Variants in EYS observed in about 807,000 individuals in gnomAD.
EYS encodes protein eyes shut homolog.
A neutral mutation model predicts 282.1 loss-of-function variants in EYS; 250 were observed. The ratio of observed to expected loss-of-function variants is 0.89; its 90% confidence interval spans 0.80 to 0.98. The LOEUF (loss-of-function observed/expected upper bound fraction) is 0.98, where lower values mean the gene tolerates loss of function less well. Ranked by LOEUF, EYS falls within the 50% of genes least tolerant of loss-of-function variation. EYS has a pLI of 0.00. For missense variants in EYS, 4,016 were observed against 3,709.0 expected, an observed-to-expected ratio of 1.08 and a Z score of -2.15; for synonymous variants, 1,355 against 1,282.9, an observed-to-expected ratio of 1.06 and a Z score of -1.20.
chr6:65,240,949 T>C (rs1277038622), intron 12 of EYS, among the ~76,000 whole-genome samples: 1 of 152,144 alleles, frequency 6.6e-6, no homozygotes, highest in African/African-American at 2.4e-5. Flanking sequence ...TTATAACAGA[T>C]TTTTCCTCTG....
Position 65,402,550 on chromosome 6 carries a change from T to A in EYS, c.1112A>T (p.Gln371Leu), listed in dbSNP as rs201021814. The change falls in exon 7 of 43, where the codon CAA becomes CTA. Residue 371 changes from glutamine (Q) to leucine (L), a missense_variant. By Grantham distance (113) the Gln-to-Leu change is moderately radical. Transcript: ENST00000503581. The part of the protein sequence containing the change: ...IFTDLLCKSI[Q>L]TSCESFPLRN... ...CAAAGGAAATGACTCACATGATGTT[T>A]GAATGCTCTTACAAAGCAAATCTGT... 6 of 1,572,540 alleles carry A rather than the reference T, an allele frequency of 3.8e-6. No individual in the cohort carries two copies. Among genetic ancestry groups the A allele is most frequent in the Non-Finnish European group, 2.6e-6 (3 of 1,143,114 alleles).
intron 2 of EYS, among the ~76,000 whole-genome samples, chr6:65,507,820 T>C (rs1248320154): frequency 1.3e-5 from 2 of 152,014 alleles, no homozygotes; most frequent in Non-Finnish European, 2.9e-5. Flanking sequence ...CCCTGTTTAC[T>C]CATTTGTTCT....
chr6:65,036,394 G>T (rs1349022015), intron 13 of EYS, among the ~76,000 whole-genome samples: 1 of 151,610 alleles, frequency 6.6e-6, no homozygotes, highest in African/African-American at 2.4e-5. Context: ...AAAAAACTAG[G>T]AAATACCATT....
At chr6:65,638,651 G>A (rs889943335) in intron 2 of EYS, among the ~76,000 whole-genome samples, 2 of 152,202 alleles carry the variant, frequency 1.3e-5, no homozygotes, top group Non-Finnish European at 2.9e-5. Flanking sequence ...CACCTGTGCC[G>A]GTGCCTGGAG....
intron 29 of EYS, among the ~76,000 whole-genome samples, chr6:64,349,368 T>C (rs1771531549): frequency 6.6e-6 from 1 of 151,386 alleles, no homozygotes; most frequent in South Asian, 2.1e-4. Flanking sequence ...GCTAATTGTA[T>C]CAACTCCTAT....
chr6:63,868,757 G>A lies in EYS; in HGVS notation c.7056-4399C>T, dbSNP rs145936724. Among the ~76,000 whole-genome samples, 370 of 152,280 alleles carry A rather than the reference G, an allele frequency of 2.4e-3. 2 individuals carry two copies. The highest frequency in any genetic ancestry group is 8.5e-3 in the African/African-American group (353 of 41,574). On this transcript the variant is annotated intron_variant, in intron 35 of 42. Transcript: ENST00000503581. Reference sequence around the variant, plus strand: ...CATGAATTTCACAACACCATGATAAGAGCCTGCTAATTACAAAGAATACTT... The same window carrying A: ...CATGAATTTCACAACACCATGATAAAAGCCTGCTAATTACAAAGAATACTT...
At chr6:65,359,780 A>G (rs541422037) in intron 8 of EYS, among the ~76,000 whole-genome samples, 22 of 151,930 alleles carry the variant, frequency 1.4e-4, no homozygotes, top group Admixed American at 9.2e-4. Flanking sequence ...CCATTTTACC[A>G]CATATGTGAA....
At chr6:64,010,162 C>T (rs1216030425) in intron 33 of EYS, among the ~76,000 whole-genome samples, 5 of 152,302 alleles carry the variant, frequency 3.3e-5, no homozygotes, top group Non-Finnish European at 5.9e-5. Context: ...CTGGCCAGAA[C>T]GCTCCGGTGA....
At chr6:64,300,403 G>C (rs1769193567) in intron 30 of EYS, among the ~76,000 whole-genome samples, 1 of 151,860 alleles carries the variant, frequency 6.6e-6, no homozygotes, top group East Asian at 2.0e-4. Flanking sequence ...CGACATCCCA[G>C]AGTATAATTC....
chr6:64,858,277 T>C (rs1766128923), intron 19 of EYS, among the ~76,000 whole-genome samples: 1 of 152,160 alleles, frequency 6.6e-6, no homozygotes, highest in African/African-American at 2.4e-5. Flanking sequence ...TTTTTGTATA[T>C]GGTATGAGAC....
chr6:65,089,961 T>TTA (rs1397054229), intron 12 of EYS, among the ~76,000 whole-genome samples: 17 of 113,420 alleles, frequency 1.5e-4, no homozygotes, highest in South Asian at 5.4e-4. Context: ...AAAAAAAAAA[T>TTA]TATATATATA....
chr6:63,925,099 C>T (rs146207716), intron 35 of EYS, among the ~76,000 whole-genome samples: 136 of 152,294 alleles, frequency 8.9e-4, no homozygotes, highest in African/African-American at 3.2e-3. Flanking sequence ...TCTTCTGAGC[C>T]TCATTTCTGT....
intron 2 of EYS, among the ~76,000 whole-genome samples, chr6:65,531,523 A>G (rs912335595): frequency 2.6e-5 from 4 of 152,176 alleles, no homozygotes; most frequent in Non-Finnish European, 5.9e-5. Context: ...CCCAATCCCC[A>G]AAGTCAGACT....
chr6:64,089,396 TATAA>T lies in EYS; in HGVS notation c.6425-7398_6425-7395del, dbSNP rs539947152. 1.5e-4 allele frequency among the ~76,000 whole-genome samples: 23 copies of T among 149,702 alleles called. No homozygotes were observed. In the South Asian group the frequency reaches 4.8e-3, roughly 31 times the overall value. ...GATACATGAAATTTTAAATACTATA[TATAA>T]ATAAGAATCAATTTATAATTTTCAG... is the stretch of plus-strand genomic sequence containing the variant. On this transcript the variant is annotated intron_variant, in intron 31 of 42. Coordinates refer to ENST00000503581, the MANE Select transcript of EYS (RefSeq NM_001142800.2).
intron 42 of EYS, among the ~76,000 whole-genome samples, chr6:63,724,419 A>G: frequency 6.6e-6 from 1 of 152,140 alleles, no homozygotes; most frequent in Non-Finnish European, 1.5e-5. Context: ...AAACTTATTT[A>G]TATATTTTTA....
intron 19 of EYS, among the ~76,000 whole-genome samples, chr6:64,885,254 T>C (rs1440955398): frequency 1.3e-5 from 2 of 151,682 alleles, no homozygotes; most frequent in South Asian, 2.1e-4. Flanking sequence ...TCTTAAATCA[T>C]GTGCCACTGG....
intron 12 of EYS, among the ~76,000 whole-genome samples, chr6:65,152,078 A>T (rs1448320919): frequency 1.3e-5 from 2 of 152,028 alleles, no homozygotes; most frequent in African/African-American, 4.8e-5. Context: ...AAAGGCCACG[A>T]ACCAGCATAA....
intron 22 of EYS, among the ~76,000 whole-genome samples, chr6:64,690,322 G>A (rs1327267819): frequency 6.6e-6 from 1 of 152,088 alleles, no homozygotes; most frequent in Non-Finnish European, 1.5e-5. Flanking sequence ...AAAAAGTCAG[G>A]AAACAACAGG....
intron 5 of EYS, among the ~76,000 whole-genome samples, chr6:65,431,213 T>C (rs1409523483): frequency 1.3e-5 from 2 of 152,312 alleles, no homozygotes; most frequent in Non-Finnish European, 2.9e-5. Context: ...AATTGACCTG[T>C]CAGCAAAGCA....
Sources: gnomAD v4.1 joint callset for allele counts (sites outside exome capture counted in the v4.1 genomes callset) on GRCh38, gnomAD v4.1.1 for gene constraint, MANE v1.5 for transcripts, NCBI Gene and HGNC (gene_info 2026-07-23, HGNC 2026-07-21) for gene names.